SGCD: variants seen among roughly 807,000 people sequenced by gnomAD.
The protein encoded by SGCD is sarcoglycan delta.
A neutral mutation model predicts 36.6 loss-of-function variants in SGCD; 18 were observed. The ratio of observed to expected loss-of-function variants is 0.49; its 90% CI spans 0.34 to 0.73. SGCD has a LOEUF of 0.73. SGCD is among the 30% of genes least tolerant of loss of function. SGCD has a pLI of 0.01. For missense variants in SGCD, 387 were observed against 346.7 expected, an observed-to-expected ratio of 1.12 and a Z score of -0.92; for synonymous variants, 133 against 130.6, an observed-to-expected ratio of 1.02 and a Z score of -0.12.
At chr5:155,969,643 G>T (rs1196553105) in intron 1 of SGCD, among the ~76,000 whole-genome samples, 1 of 152,086 alleles carries the variant, frequency 6.6e-6, no homozygotes, top group Non-Finnish European at 1.5e-5. Flanking sequence ...TCTGACATAG[G>T]TAGCTTTGAG....
chr5:156,037,605 G>A (rs1349934022), intron 1 of SGCD, among the ~76,000 whole-genome samples: 1 of 152,184 alleles, frequency 6.6e-6, no homozygotes, highest in East Asian at 1.9e-4. Context: ...TCCACTCATA[G>A]ATTAGGTAGC....
At chr5:156,475,305 G>T (rs1755132246) in intron 3 of SGCD, among the ~76,000 whole-genome samples, 1 of 152,152 alleles carries the variant, frequency 6.6e-6, no homozygotes, top group Non-Finnish European at 1.5e-5. Flanking sequence ...TCTTACCTGA[G>T]CTGGCTTCCC....
intron 3 of SGCD, among the ~76,000 whole-genome samples, chr5:156,300,271 C>T (rs535697507): frequency 6.6e-6 from 1 of 151,756 alleles, no homozygotes; most frequent in East Asian, 1.9e-4. Flanking sequence ...ATAAACTCTC[C>T]TCTTAGTACT....
At chr5:156,296,963 A>T in intron 3 of SGCD, among the ~76,000 whole-genome samples, 1 of 151,910 alleles carries the variant, frequency 6.6e-6, no homozygotes. Context: ...CACACACTAT[A>T]TATAGTATAT....
At chr5:155,808,356 A>G in the SGCD span, among the ~76,000 whole-genome samples, 1 of 152,346 alleles carries the variant, frequency 6.6e-6, no homozygotes, top group South Asian at 2.1e-4. Context: ...GGTGCTGGAC[A>G]GTAACTCAAT....
At chr5:156,757,234 G>A (rs866745071) in intron 7 of SGCD, among the ~76,000 whole-genome samples, 9 of 111,876 alleles carry the variant, frequency 8.0e-5, no homozygotes, top group Admixed American at 1.4e-4. Context: ...CAGGAAGCTC[G>A]GTTTAGATCC....
intron 3 of SGCD, among the ~76,000 whole-genome samples, chr5:156,143,625 G>T (rs374264971): frequency 6.6e-6 from 1 of 152,236 alleles, no homozygotes; most frequent in Non-Finnish European, 1.5e-5. Flanking sequence ...TGCCCTGGAT[G>T]TGGGACATGG....
chr5:155,816,938 C>T, the SGCD span, among the ~76,000 whole-genome samples: 5 of 152,258 alleles, frequency 3.3e-5, no homozygotes, highest in Admixed American at 2.0e-4. Context: ...TGCCTAAATG[C>T]AACTACTGCA....
intron 3 of SGCD, among the ~76,000 whole-genome samples, chr5:156,374,401 G>T (rs956746568): frequency 4.6e-5 from 7 of 152,074 alleles, no homozygotes; most frequent in African/African-American, 1.7e-4. Flanking sequence ...AGTCATTACT[G>T]CCAGTCAGCT....
At chr5:156,368,998 A>G (rs1770250747) in intron 3 of SGCD, among the ~76,000 whole-genome samples, 1 of 152,184 alleles carries the variant, frequency 6.6e-6, no homozygotes, top group Non-Finnish European at 1.5e-5. Context: ...AAGGTTGGGG[A>G]CCGCTGCTCT....
intron 3 of SGCD, among the ~76,000 whole-genome samples, chr5:156,167,757 A>G (rs1310559265): frequency 6.6e-6 from 1 of 152,212 alleles, no homozygotes; most frequent in Non-Finnish European, 1.5e-5. Flanking sequence ...TAAATGCTTT[A>G]GAAATAAAGC....
At chr5:156,015,206 C>G (rs1758943566) in intron 1 of SGCD, among the ~76,000 whole-genome samples, 1 of 152,048 alleles carries the variant, frequency 6.6e-6, no homozygotes, top group African/African-American at 2.4e-5. Flanking sequence ...GAAAAGGCCT[C>G]CCTTTCTTCT....
intron 7 of SGCD, among the ~76,000 whole-genome samples, chr5:156,698,456 A>G (rs1754401685): frequency 6.6e-6 from 1 of 152,232 alleles, no homozygotes; most frequent in African/African-American, 2.4e-5. Context: ...CCAACCCTTT[A>G]GCAAAGTGTA....
chr5:155,918,886 T>C (rs1445006669), intron 1 of SGCD, among the ~76,000 whole-genome samples: 1 of 152,234 alleles, frequency 6.6e-6, no homozygotes, highest in Non-Finnish European at 1.5e-5. Flanking sequence ...AATATGTGTA[T>C]ATGTGTATCT....
intron 7 of SGCD, among the ~76,000 whole-genome samples, chr5:156,746,832 T>C (rs1057224569): frequency 3.9e-5 from 6 of 152,128 alleles, no homozygotes; most frequent in African/African-American, 1.4e-4. Flanking sequence ...GGCACAAAAG[T>C]ACTAAAAATT....
chr5:156,271,695 G>A (rs573482767), intron 3 of SGCD, among the ~76,000 whole-genome samples: 5,956 of 152,080 alleles, frequency 0.039, 149 homozygotes, highest in Non-Finnish European at 0.058. Flanking sequence ...CAGTCCTTGG[G>A]AGCTATTTCT....
intron 3 of SGCD, among the ~76,000 whole-genome samples, chr5:156,505,047 T>A (rs1756635269): frequency 6.6e-6 from 1 of 152,192 alleles, no homozygotes; most frequent in Admixed American, 6.5e-5. Context: ...AGGTTGAATA[T>A]GTGTTTCTGT....
intron 7 of SGCD, among the ~76,000 whole-genome samples, chr5:156,691,637 T>C (rs1754114793): frequency 6.6e-6 from 1 of 152,210 alleles, no homozygotes; most frequent in Non-Finnish European, 1.5e-5. Flanking sequence ...AATTTTCATG[T>C]CATGAAGTAT....
At chr5:156,578,342 G>A (rs546023016) in intron 4 of SGCD, among the ~76,000 whole-genome samples, 4 of 152,208 alleles carry the variant, frequency 2.6e-5, no homozygotes, top group African/African-American at 9.6e-5. Context: ...TTTTTGCATC[G>A]ATGTTCATCA....
Sources: allele counts gnomAD v4.1 joint callset (sites outside exome capture counted in the v4.1 genomes callset), GRCh38; gene constraint gnomAD v4.1.1; transcripts MANE v1.5; gene names NCBI Gene and HGNC (gene_info 2026-07-23, HGNC 2026-07-21).